Variants in NPSR1 observed in about 807,000 individuals in gnomAD.
NPSR1 encodes neuropeptide S receptor 1.
In NPSR1, 48 loss-of-function variants were observed where a neutral mutation model predicts 46.9. The observed-to-expected ratio is 1.02, with a 90% CI of 0.81 to 1.30. The LOEUF is 1.30. Among genes scored for constraint, NPSR1 ranks in the 50% most tolerant of loss-of-function variants. NPSR1 has a pLI of 0.00. For missense variants in NPSR1, 450 were observed against 449.5 expected (o/e 1.00, Z -0.01); for synonymous variants, 176 against 168.1 (o/e 1.05, Z -0.36).
intron 3 of NPSR1, chr7:34,779,530 T>G (rs1189496394): frequency 2.0e-5 from 22 of 1,077,322 alleles, no homozygotes; most frequent in Non-Finnish European, 2.5e-5. Flanking sequence ...TTCATTGGTT[T>G]TATTATTTTC....
intron 2 of NPSR1, chr7:34,719,860 A>G (rs1271104243): frequency 6.6e-6 from 1 of 152,126 alleles, no homozygotes; most frequent in Admixed American, 6.5e-5. Context: ...CACCAGTGAC[A>G]GACAGTCTAA....
intron 2 of NPSR1, among the ~76,000 whole-genome samples, chr7:34,776,480 T>G (rs886360822): frequency 2.0e-5 from 3 of 152,188 alleles, no homozygotes; most frequent in Admixed American, 6.5e-5. Flanking sequence ...CTATAGTTTT[T>G]GTCTTGAAAT....
At chr7:34,832,905 G>T (rs569345737) in intron 5 of NPSR1, among the ~76,000 whole-genome samples, 1 of 152,126 alleles carries the variant, frequency 6.6e-6, no homozygotes, top group African/African-American at 2.4e-5. Flanking sequence ...TCAACTTAGG[G>T]TTGAACTCAC....
intron 2 of NPSR1, among the ~76,000 whole-genome samples, chr7:34,743,441 T>C (rs541345664): frequency 5.0e-4 from 74 of 147,916 alleles, no homozygotes; most frequent in African/African-American, 1.7e-3. Flanking sequence ...TCTCTCTCTG[T>C]CTTCTTTTTT....
intron 1 of NPSR1, among the ~76,000 whole-genome samples, chr7:34,673,160 T>C (rs2128675916): frequency 6.6e-6 from 1 of 152,314 alleles, no homozygotes; most frequent in Middle Eastern, 3.4e-3. Context: ...CAGGTTCTAT[T>C]ACATGTTCCT....
intron 2 of NPSR1, among the ~76,000 whole-genome samples, chr7:34,744,674 G>A (rs1475556446): frequency 1.3e-5 from 2 of 152,140 alleles, no homozygotes; most frequent in African/African-American, 4.8e-5. Flanking sequence ...TGCTCATGAT[G>A]AATAATCAAT....
chr7:34,751,313 T>G, intron 2 of NPSR1: 4 of 998,888 alleles, frequency 4.0e-6, no homozygotes, highest in Non-Finnish European at 6.5e-6. Flanking sequence ...CAGAAAGTGG[T>G]ACTGATCATG....
chr7:34,832,177 T>A (rs150791486), intron 5 of NPSR1, among the ~76,000 whole-genome samples: 1 of 152,134 alleles, frequency 6.6e-6, no homozygotes, highest in Admixed American at 6.5e-5. Context: ...GATTATGGAG[T>A]CATTTTGCAG....
chr7:34,658,673 T>G, intron 1 of NPSR1, 114 bp downstream of exon 1: 1 of 1,091,824 alleles, frequency 9.2e-7, no homozygotes, highest in Non-Finnish European at 1.3e-6. Context: ...TTATTTTCTT[T>G]ACTAAAAAGG....
intron 3 of NPSR1, among the ~76,000 whole-genome samples, chr7:34,806,155 A>C (rs996349754): frequency 1.3e-5 from 2 of 152,110 alleles, no homozygotes; most frequent in Non-Finnish European, 2.9e-5. Flanking sequence ...GTCTTACCAT[A>C]CAACCCAGCA....
chr7:34,746,459 T>G (rs982896805), intron 2 of NPSR1, among the ~76,000 whole-genome samples: 1 of 152,216 alleles, frequency 6.6e-6, no homozygotes, highest in Non-Finnish European at 1.5e-5. Flanking sequence ...ATCATAGTTA[T>G]GTATGTATGT....
At chr7:34,858,695 G>A (rs1166469202) in intron 8 of NPSR1, among the ~76,000 whole-genome samples, 1 of 151,762 alleles carries the variant, frequency 6.6e-6, no homozygotes, top group Non-Finnish European at 1.5e-5. Context: ...AGCAGTCAAA[G>A]AGCAAGCTTA....
intron 2 of NPSR1, among the ~76,000 whole-genome samples, chr7:34,709,292 T>C (rs1160552409): frequency 6.6e-6 from 1 of 152,178 alleles, no homozygotes; most frequent in Non-Finnish European, 1.5e-5. Flanking sequence ...ACTGACTCCA[T>C]TCTGACTGAA....
downstream of NPSR1, among the ~76,000 whole-genome samples, chr7:34,854,420 A>T (rs1471772648): frequency 6.6e-6 from 1 of 152,246 alleles, no homozygotes; most frequent in Non-Finnish European, 1.5e-5. Context: ...TACAAAAGAC[A>T]TGCCTAAAAC....
At position 34,848,666 on chromosome 7, in the gene NPSR1, A is replaced by C; in HGVS notation, c.1025+3A>C. ...AGCTCCATCTCTTTCCCCTGCAGGT[A>C]AGGGGAGCTCTTGCATGGGTCAGAC... On this transcript the variant is annotated splice_donor_region_variant and intron_variant, in intron 8 of 8. Transcript: ENST00000360581. The C allele has an allele frequency of 6.2e-7, 1 of 1,612,426 alleles. No homozygotes were observed. Among genetic ancestry groups the C allele is most frequent in the Non-Finnish European group, 8.5e-7 (1 of 1,179,086 alleles).
At chr7:34,858,466 T>C (rs1177102155) in intron 8 of NPSR1, among the ~76,000 whole-genome samples, 1 of 151,868 alleles carries the variant, frequency 6.6e-6, no homozygotes, top group Non-Finnish European at 1.5e-5. Flanking sequence ...CTCATTTATA[T>C]GAAATTCAAA....
chr7:34,757,986 T>A (rs528454581), intron 2 of NPSR1: 8 of 152,696 alleles, frequency 5.2e-5, no homozygotes, highest in African/African-American at 1.9e-4. Context: ...AGGAGAGTGG[T>A]GAAGAGAGCA....
At chr7:34,785,486 C>G (rs1335597214) in intron 3 of NPSR1, among the ~76,000 whole-genome samples, 2 of 150,810 alleles carry the variant, frequency 1.3e-5, no homozygotes, top group Non-Finnish European at 3.0e-5. Flanking sequence ...ACATATGTAA[C>G]TAACCTGCAC....
At chr7:34,693,157 CT>C (rs977412876) in intron 2 of NPSR1, among the ~76,000 whole-genome samples, 2 of 152,078 alleles carry the variant, frequency 1.3e-5, no homozygotes, top group African/African-American at 4.8e-5. Flanking sequence ...TGATTGTAAG[CT>C]TCCTGAGCCC....
Sources: gnomAD v4.1 joint callset for allele counts (sites outside exome capture counted in the v4.1 genomes callset) on GRCh38, gnomAD v4.1.1 for gene constraint, MANE v1.5 for transcripts, NCBI Gene and HGNC (gene_info 2026-07-23, HGNC 2026-07-21) for gene names.